The following COL4A2 variants were observed in gnomAD, a reference collection of about 807,000 sequenced individuals.
COL4A2 encodes collagen type IV alpha 2 chain.
Under a neutral mutation model 200.2 loss-of-function variants are expected in COL4A2, and 99 were observed. The ratio of observed to expected loss-of-function variants is 0.49; its 90% CI spans 0.42 to 0.58. The LOEUF is 0.58. Among genes scored for constraint, COL4A2 ranks in the 20% least tolerant of loss-of-function variants. The pLI, the probability that COL4A2 is intolerant of heterozygous loss-of-function variation, is 0.00. For missense variants in COL4A2, 1,950 were observed against 2,314.1 expected (o/e 0.84, Z 3.23); for synonymous variants, 897 against 900.6 (o/e 1.00, Z 0.07).
chr13:110,480,197 T>C, intron 30 of COL4A2, 23 bp from the exon 31 acceptor site: 1 of 1,571,184 alleles, frequency 6.4e-7, no homozygotes, highest in South Asian at 1.2e-5. Flanking sequence ...CCACCCTGTT[T>C]GATTTGCTCC....
rs1878684795 is a variant in COL4A2, at chr13:110,385,616, G to GGTT, written c.180+28065_180+28066insTTG. Among the ~76,000 whole-genome samples the GGTT allele has an allele frequency of 5.4e-5, 8 of 149,268 alleles. 2 individuals carry two copies. Among genetic ancestry groups the GGTT allele is most frequent in the Non-Finnish European group, 8.9e-5 (6 of 67,792 alleles). On this transcript the variant is annotated intron_variant, in intron 4 of 47. Coordinates refer to ENST00000360467, the MANE Select transcript of COL4A2 (RefSeq NM_001846.4). The stretch of plus-strand genomic sequence containing the variant: ...TGGTTACAGTGTGTGGATAGGCCGT[G>GGTT]GCTACAGTGTGTGGATAGGCCGTGG...
At chr13:110,313,119 G>A (rs770329351) in intron 3 of COL4A2, among the ~76,000 whole-genome samples, 11 of 152,090 alleles carry the variant, frequency 7.2e-5, no homozygotes, top group East Asian at 1.9e-4. Flanking sequence ...TTATCTTCAC[G>A]GTGTCGAGAA....
intron 38 of COL4A2, 129 bp downstream of exon 38, chr13:110,492,306 G>A (rs1459096386): frequency 4.0e-6 from 3 of 746,594 alleles, no homozygotes; most frequent in East Asian, 2.8e-5. Flanking sequence ...CAGGTCTGCT[G>A]TGGCTTACGG....
At chr13:110,318,332 T>C (rs1182929723) in intron 3 of COL4A2, among the ~76,000 whole-genome samples, 1 of 150,954 alleles carries the variant, frequency 6.6e-6, no homozygotes, top group Non-Finnish European at 1.5e-5. Context: ...ATGGTTTGGG[T>C]TGTCCAAATA....
intron 3 of COL4A2, among the ~76,000 whole-genome samples, chr13:110,339,269 G>A (rs80150581): frequency 3.5e-4 from 54 of 152,324 alleles, no homozygotes; most frequent in African/African-American, 1.3e-3. Context: ...GAATTCTGAT[G>A]GACAGTAGGT....
At chr13:110,444,383 G>C (rs181785260) in intron 16 of COL4A2, among the ~76,000 whole-genome samples, 737 of 152,332 alleles carry the variant, frequency 4.8e-3, no homozygotes, top group Non-Finnish European at 8.0e-3. Flanking sequence ...TGAGTGTCCA[G>C]CTGCCAGCTC....
intron 3 of COL4A2, among the ~76,000 whole-genome samples, chr13:110,309,639 T>C (rs1884916138): frequency 1.3e-5 from 2 of 152,194 alleles, no homozygotes; most frequent in African/African-American, 2.4e-5. Flanking sequence ...CAGGTATTCT[T>C]TTCTGAACTC....
chr13:110,359,188 A>G (rs781190547), intron 4 of COL4A2, among the ~76,000 whole-genome samples: 12 of 152,244 alleles, frequency 7.9e-5, no homozygotes, highest in Non-Finnish European at 1.6e-4. Context: ...GGTACCCCAA[A>G]TCATCACCAT....
chr13:110,312,204 C>T (rs1461486035), intron 3 of COL4A2, among the ~76,000 whole-genome samples: 3 of 152,168 alleles, frequency 2.0e-5, no homozygotes, highest in Non-Finnish European at 4.4e-5. Flanking sequence ...TAAAGTCTTC[C>T]TCCATGGGTG....
At chr13:110,374,501 T>C (rs558850492) in intron 4 of COL4A2, among the ~76,000 whole-genome samples, 1 of 152,182 alleles carries the variant, frequency 6.6e-6, no homozygotes, top group Non-Finnish European at 1.5e-5. Context: ...GAAGCAAAAG[T>C]CTATAAGGCC....
intron 28 of COL4A2, among the ~76,000 whole-genome samples, chr13:110,470,803 G>C (rs1179187325): frequency 6.6e-6 from 1 of 152,220 alleles, no homozygotes; most frequent in East Asian, 1.9e-4. Context: ...CAATGCAGAA[G>C]TGTCTGTCCG....
chr13:110,378,949 C>T (rs970335218), intron 4 of COL4A2, among the ~76,000 whole-genome samples: 2 of 152,182 alleles, frequency 1.3e-5, no homozygotes, highest in Admixed American at 1.3e-4. Flanking sequence ...TCCCACCTCA[C>T]GCACTCTCCG....
intron 20 of COL4A2, among the ~76,000 whole-genome samples, chr13:110,451,705 G>A (rs1446882890): frequency 6.6e-6 from 1 of 152,170 alleles, no homozygotes; most frequent in Non-Finnish European, 1.5e-5. Context: ...TGGGGATTAT[G>A]GGAACTACAA....
intron 7 of COL4A2, among the ~76,000 whole-genome samples, chr13:110,428,843 A>G (rs954684837): frequency 1.3e-5 from 2 of 152,214 alleles, no homozygotes; most frequent in African/African-American, 4.8e-5. Flanking sequence ...CCAAATTCTC[A>G]TGCGTAATAG....
At chr13:110,423,995 C>T (rs1303129211) in intron 4 of COL4A2, among the ~76,000 whole-genome samples, 4 of 152,132 alleles carry the variant, frequency 2.6e-5, no homozygotes, top group South Asian at 2.1e-4. Context: ...TTGTGAATCA[C>T]GCTGCTGTGC....
intron 4 of COL4A2, among the ~76,000 whole-genome samples, chr13:110,359,150 G>A (rs368660635): frequency 3.4e-4 from 52 of 152,236 alleles, no homozygotes; most frequent in South Asian, 2.5e-3. Context: ...GATGTGGTCC[G>A]TCTGATAGAT....
rs1050055703 is a variant in COL4A2, at chr13:110,434,461, A to C, written c.726+19A>C. On this transcript the variant is annotated intron_variant, in intron 12 of 47. Coordinates refer to ENST00000360467, the MANE Select transcript of COL4A2 (RefSeq NM_001846.4). ...TGAAAAGGTAAAGGAAGCCTGGTCAATTCCAGCAGAGGCATGCAGCATTTC... is the reference window on the plus strand; with the variant it reads ...TGAAAAGGTAAAGGAAGCCTGGTCACTTCCAGCAGAGGCATGCAGCATTTC... The C allele has an allele frequency of 1.9e-6, 3 of 1,612,356 alleles. No homozygotes were observed. In the African/African-American group the frequency reaches 4.0e-5, roughly 22 times the overall value.
At chr13:110,343,855 C>G (rs1876579578) in intron 3 of COL4A2, among the ~76,000 whole-genome samples, 1 of 152,164 alleles carries the variant, frequency 6.6e-6, no homozygotes, top group East Asian at 1.9e-4. Context: ...GAACAGAACT[C>G]TTAAACTGAA....
intron 3 of COL4A2, among the ~76,000 whole-genome samples, chr13:110,343,316 C>T (rs1248861330): frequency 1.3e-5 from 2 of 152,098 alleles, no homozygotes; most frequent in Admixed American, 6.5e-5. Flanking sequence ...CTCTGCTGGC[C>T]CCAGGAGTAG....
Sources: allele counts gnomAD v4.1 joint callset (sites outside exome capture counted in the v4.1 genomes callset), GRCh38; gene constraint gnomAD v4.1.1; transcripts MANE v1.5; gene names NCBI Gene and HGNC (gene_info 2026-07-23, HGNC 2026-07-21).